DNAH10: variants seen among roughly 807,000 people sequenced by gnomAD.
DNAH10 encodes dynein axonemal heavy chain 10, also known as axonemal beta dynein heavy chain 10.
A neutral mutation model predicts 506.6 loss-of-function variants in DNAH10; 348 were observed. That is an observed-to-expected ratio of 0.69 (90% CI 0.63 to 0.75). The LOEUF is 0.75. Among genes scored for constraint, DNAH10 ranks in the 30% least tolerant of loss-of-function variants. The pLI is 0.00. For missense variants in DNAH10, 5,179 were observed against 5,787.1 expected, an observed-to-expected ratio of 0.89 and a Z score of 3.41; for synonymous variants, 2,059 against 2,198.6, an observed-to-expected ratio of 0.94 and a Z score of 1.78.
chr12:123,926,458 C>A lies in DNAH10; in HGVS notation c.11922-179C>A. 1.6e-6 allele frequency: 1 copy of A among 621,022 alleles called. No individual in the cohort carries two copies. The highest frequency in any genetic ancestry group is 2.6e-6 in the Non-Finnish European group (1 of 377,374). 38.5% of individuals were successfully genotyped at this position (621,022 alleles called of 1,614,324 possible). A position where few individuals can be genotyped will look rare whatever the true frequency, so the allele number is the denominator to read the frequency against. On this transcript the variant is annotated intron_variant, in intron 68 of 78. Coordinates refer to ENST00000673944, the MANE Select transcript of DNAH10 (RefSeq NM_001372106.1). The surrounding 1 kb of genome is among the most constrained non-coding windows in gnomAD (Gnocchi z 4.1). ...TCCCTGCCACTCAGGAGTTCCCCAT[C>A]AGGGTGGGAGACGTGCATAGAAACT... is the stretch of plus-strand genomic sequence containing the variant.
rs189505466 is a variant in DNAH10 at position 123,787,592 on chromosome 12, C to A, written c.1422-212C>A. 2.8e-4 allele frequency among the ~76,000 whole-genome samples: 43 copies of A among 152,338 alleles called. No individual in the cohort carries two copies. The highest frequency in any genetic ancestry group is 5.0e-4 in the Non-Finnish European group (34 of 68,038). ...AGCCCCAGCCCTGCACGCAGGTTGG[C>A]GGCTGCAACGGAAACCTCGCAGCTT... On this transcript the variant is annotated intron_variant, in intron 9 of 78. Transcript: ENST00000673944. The surrounding 1 kb of genome is among the most constrained non-coding windows in gnomAD (Gnocchi z 4.6).
chr12:123,876,571 T>A (rs1337735547), intron 47 of DNAH10, among the ~76,000 whole-genome samples: 1 of 152,180 alleles, frequency 6.6e-6, no homozygotes, highest in Non-Finnish European at 1.5e-5. Context: ...AGGTGAAGGC[T>A]TTAGTGAGCC....
At chr12:123,887,388 T>TA (rs1952784100) in intron 52 of DNAH10, 75 bp downstream of exon 52, 2 of 1,508,324 alleles carry the variant, frequency 1.3e-6, no homozygotes, top group Admixed American at 2.1e-5. Flanking sequence ...CTTCAGCAGT[T>TA]ACCACCTCCA....
intron 41 of DNAH10, 41 bp downstream of exon 41, chr12:123,866,114 T>TGATGGCTAGTTG (rs755685084): frequency 2.6e-6 from 4 of 1,519,884 alleles, no homozygotes; most frequent in Admixed American, 4.2e-5. Flanking sequence ...TTATTAGTAT[T>TGATGGCTAGTTG]GATGGCTAGT....
intron 2 of DNAH10, 48 bp downstream of exon 2, chr12:123,767,737 C>G: frequency 6.5e-7 from 1 of 1,535,404 alleles, no homozygotes; most frequent in Non-Finnish European, 8.9e-7. Context: ...AGAAAGCCCC[C>G]CCGCAGCGGG....
chr12:123,915,424 A>G (rs946962057), intron 62 of DNAH10, among the ~76,000 whole-genome samples: 15 of 152,186 alleles, frequency 9.9e-5, no homozygotes, highest in African/African-American at 3.4e-4. Context: ...GAGTTTTAGT[A>G]TATTTACAGA....
Position 123,928,650 on chromosome 12 carries a change from C to A in DNAH10, c.12306+63C>A. 1 of 1,506,152 alleles carries A rather than the reference C, an allele frequency of 6.6e-7. No homozygotes were observed. The highest frequency in any genetic ancestry group is 9.0e-7 in the Non-Finnish European group (1 of 1,116,674). 93.3% of individuals were successfully genotyped at this position (1,506,152 alleles called of 1,614,324 possible). ...AGCTTCTCAGAACACCTGCATGCTG[C>A]TCTGGGGCCGGGGTGTGCCTTTGTC... On this transcript the variant is annotated intron_variant, in intron 70 of 78. Transcript: ENST00000673944. This position sits in a 1 kb window ranked among gnomAD's most constrained non-coding sequence, Gnocchi z 4.9.
chr12:123,878,127 T>G (rs996816563), intron 48 of DNAH10, among the ~76,000 whole-genome samples: 26 of 152,164 alleles, frequency 1.7e-4, no homozygotes, highest in Non-Finnish European at 3.4e-4. Context: ...GAAGCAGAAG[T>G]GGGGACAAGC....
chr12:123,766,448 T>TC (rs1435032068), intron 1 of DNAH10, among the ~76,000 whole-genome samples: 1 of 152,104 alleles, frequency 6.6e-6, no homozygotes, highest in Non-Finnish European at 1.5e-5. Flanking sequence ...TTGTGACTTC[T>TC]CCCCCCACCA....
chr12:123,864,190 G>C (rs148203554), intron 39 of DNAH10, among the ~76,000 whole-genome samples: 1 of 143,676 alleles, frequency 7.0e-6, no homozygotes, highest in African/African-American at 2.6e-5. Flanking sequence ...CTGTTGCCTG[G>C]GTGGGAGTGC....
Position 123,915,019 on chromosome 12 carries a change from G to A in DNAH10, c.10722+20G>A. Reference sequence around the variant, plus strand: ...CTGCGGGTATGGTGGCTCCTCCCAGGGCGTCTTCTGCCCCCTATTCCTGTT... The same window carrying A: ...CTGCGGGTATGGTGGCTCCTCCCAGAGCGTCTTCTGCCCCCTATTCCTGTT... On this transcript the variant is annotated intron_variant, in intron 62 of 78. Transcript: ENST00000673944. 6.3e-7 allele frequency: 1 copy of A among 1,589,820 alleles called. No homozygotes were observed. Among genetic ancestry groups the A allele is most frequent in the Non-Finnish European group, 8.6e-7 (1 of 1,168,412 alleles).
At position 123,808,953 on chromosome 12, in the gene DNAH10, G is replaced by A. The variant is rs778312649; in HGVS notation, c.3144G>A (p.Lys1048=). 3 of 1,613,918 alleles carry A rather than the reference G, an allele frequency of 1.9e-6. No homozygotes were observed. Among genetic ancestry groups the A allele is most frequent in the Non-Finnish European group, 1.7e-6 (2 of 1,179,976 alleles). The change falls in exon 19 of 79, where the codon AAG becomes AAA. Residue 1048 remains lysine (K), a splice_region_variant and synonymous_variant. Transcript: ENST00000673944. ...HCVRNCVEIT[K]HFVRWMNGSC... Reference sequence around the variant, plus strand: ...TCCGGAATTGCGTGGAGATCACCAAGGTGAGAGCGGAGGTGCTTGTGTCCT... The same window carrying A: ...TCCGGAATTGCGTGGAGATCACCAAAGTGAGAGCGGAGGTGCTTGTGTCCT...
chr12:123,846,013 G>A lies in DNAH10; in HGVS notation c.5673G>A (p.Arg1891=). 6.2e-7 allele frequency: 1 copy of A among 1,613,992 alleles called. No individual in the cohort carries two copies. Among genetic ancestry groups the A allele is most frequent in the Non-Finnish European group, 8.5e-7 (1 of 1,179,890 alleles). Residue 1891 remains arginine (R), a synonymous_variant, in exon 32 of 79, where the codon CGG becomes CGA. Transcript: ENST00000673944. The surrounding 1 kb of genome is among the most constrained non-coding windows in gnomAD (Gnocchi z 4.5). Reference sequence around the variant, plus strand: ...AGTTTGACTGGGAAAGTCAGTTGCGGTTTTATTGGGACCGGGAGCCGGATG... The same window carrying A: ...AGTTTGACTGGGAAAGTCAGTTGCGATTTTATTGGGACCGGGAGCCGGATG... ...AREFDWESQL[R]FYWDREPDEL...
At position 123,787,738 on chromosome 12, in the gene DNAH10, C is replaced by A; in HGVS notation, c.1422-66C>A. ...GCTTCACGGGACACTGGCTCCCCAG[C>A]CGGGGAGTGCGGCTCGGACCCGGAG... On this transcript the variant is annotated intron_variant, in intron 9 of 78. Coordinates refer to ENST00000673944, the MANE Select transcript of DNAH10 (RefSeq NM_001372106.1). The surrounding 1 kb of genome is among the most constrained non-coding windows in gnomAD (Gnocchi z 4.6). 6.4e-7 allele frequency: 1 copy of A among 1,558,042 alleles called. No homozygotes were observed. Among genetic ancestry groups the A allele is most frequent in the Non-Finnish European group, 8.7e-7 (1 of 1,147,280 alleles).
chr12:123,840,735 G>A (rs1950744702), intron 29 of DNAH10, among the ~76,000 whole-genome samples: 1 of 151,858 alleles, frequency 6.6e-6, no homozygotes, highest in East Asian at 1.9e-4. Flanking sequence ...GTATATGGTG[G>A]GCCCTAAAGG....
chr12:123,850,055 T>G lies in DNAH10; in HGVS notation c.6103-833T>G, dbSNP rs967084224. 1.3e-5 allele frequency among the ~76,000 whole-genome samples: 2 copies of G among 152,056 alleles called. No homozygotes were observed. The highest frequency in any genetic ancestry group is 4.8e-5 in the African/African-American group (2 of 41,398). ...CCATCTGGGCCATCTGGGCCTCTTG[T>G]GGGATACTGAGGCTAGGGATGGTCT... is the stretch of plus-strand genomic sequence containing the variant. On this transcript the variant is annotated intron_variant, in intron 34 of 78. Transcript: ENST00000673944. The surrounding 1 kb of genome is among the most constrained non-coding windows in gnomAD (Gnocchi z 5.5).
intron 5 of DNAH10, 89 bp downstream of exon 5, chr12:123,774,353 T>G: frequency 2.0e-6 from 2 of 1,024,418 alleles, no homozygotes; most frequent in Non-Finnish European, 2.9e-6. Flanking sequence ...CGGGCAGCTC[T>G]TCTGTCTCAG....
intron 61 of DNAH10, 128 bp downstream of exon 61, chr12:123,914,678 G>A: frequency 2.2e-6 from 3 of 1,387,926 alleles, no homozygotes; most frequent in Non-Finnish European, 2.9e-6. Flanking sequence ...TCGACTGCAT[G>A]GAAGTGGCCG....
intron 37 of DNAH10, 97 bp downstream of exon 37, chr12:123,857,344 C>A (rs963017627): frequency 5.5e-6 from 6 of 1,081,104 alleles, no homozygotes; most frequent in Admixed American, 7.1e-5. Context: ...GTAAAATACG[C>A]ATAAGTTTCA....
Sources: gnomAD v4.1 joint callset for allele counts (sites outside exome capture counted in the v4.1 genomes callset) on GRCh38, gnomAD v4.1.1 for gene constraint, Gnocchi (gnomAD v3.1) non-coding constraint, MANE v1.5 for transcripts, NCBI Gene and HGNC (gene_info 2026-07-23, HGNC 2026-07-21) for gene names.